The following RERE variants were observed in gnomAD, a reference collection of about 807,000 sequenced individuals.
RERE encodes the protein arginine-glutamic acid dipeptide repeats.
A neutral mutation model predicts 146.1 loss-of-function variants in RERE; 40 were observed. The ratio of observed to expected loss-of-function variants is 0.27; its 90% CI spans 0.21 to 0.36. The LOEUF (loss-of-function observed/expected upper bound fraction) is 0.36, where lower values mean the gene tolerates loss of function less well. Ranked by LOEUF, RERE falls within the 10% of genes least tolerant of loss-of-function variation. RERE has a pLI of 1.00. For synonymous variants in RERE, 1,003 were observed against 866.0 expected (o/e 1.16, Z -2.78); for missense variants, 1,933 against 2,138.7 (o/e 0.90, Z 1.90).
intron 4 of RERE, among the ~76,000 whole-genome samples, chr1:8,595,553 A>C (rs1257742356): frequency 6.6e-6 from 1 of 151,276 alleles, no homozygotes; most frequent in Non-Finnish European, 1.5e-5. Flanking sequence ...TTTTAATTGT[A>C]TTTTATTATG....
At chr1:8,711,520 T>G (rs759506542) in intron 1 of RERE, among the ~76,000 whole-genome samples, 2 of 152,188 alleles carry the variant, frequency 1.3e-5, no homozygotes, top group Non-Finnish European at 2.9e-5. Context: ...GCAGATCAAA[T>G]TATTAAATTC....
At chr1:8,759,810 G>A (rs1040648289) in intron 1 of RERE, among the ~76,000 whole-genome samples, 8 of 144,004 alleles carry the variant, frequency 5.6e-5, no homozygotes, top group African/African-American at 1.0e-4. Flanking sequence ...GCCAATATAC[G>A]TATAACTCTA....
At chr1:8,389,390 G>A (rs749865563) in intron 12 of RERE, among the ~76,000 whole-genome samples, 35 of 152,296 alleles carry the variant, frequency 2.3e-4, no homozygotes, top group Non-Finnish European at 4.3e-4. Flanking sequence ...TCAACGCCTT[G>A]TTCTTTATTC....
At chr1:8,572,623 T>C (rs1195891116) in intron 4 of RERE, among the ~76,000 whole-genome samples, 3 of 152,230 alleles carry the variant, frequency 2.0e-5, no homozygotes, top group East Asian at 3.8e-4. Context: ...GGAATATTTA[T>C]TGGGCATCTG....
chr1:8,716,591 G>A (rs1002452305), intron 1 of RERE, among the ~76,000 whole-genome samples: 1 of 151,812 alleles, frequency 6.6e-6, no homozygotes, highest in African/African-American at 2.4e-5. Context: ...TCAAGGATGG[G>A]AGGAACTACT....
chr1:8,430,436 T>TA (rs1240017438), intron 11 of RERE, among the ~76,000 whole-genome samples: 2 of 152,224 alleles, frequency 1.3e-5, no homozygotes, highest in Non-Finnish European at 2.9e-5. Flanking sequence ...TGAAACTAGT[T>TA]AGAGTTTAAA....
chr1:8,730,848 C>T (rs1008333669), intron 1 of RERE, among the ~76,000 whole-genome samples: 3 of 152,202 alleles, frequency 2.0e-5, no homozygotes, highest in African/African-American at 7.2e-5. Flanking sequence ...CAACCATTCA[C>T]ATGCCTCAGA....
intron 1 of RERE, among the ~76,000 whole-genome samples, chr1:8,763,839 G>T (rs911474583): frequency 1.3e-5 from 2 of 151,802 alleles, no homozygotes; most frequent in African/African-American, 4.8e-5. Flanking sequence ...TACTCGGGAG[G>T]CCGAGGCAGG....
In RERE at chr1:8,361,359, G is replaced by A. The variant is rs775490357; in HGVS notation, c.2148C>T (p.Pro716=). The A allele has an allele frequency of 6.2e-7, 1 of 1,613,688 alleles. No homozygotes were observed. The highest frequency in any genetic ancestry group is 8.5e-7 in the Non-Finnish European group (1 of 1,179,796). Residue 716 remains proline (P), a synonymous_variant, in exon 18 of 23, where the codon CCC becomes CCT. Coordinates refer to ENST00000400908, the MANE Select transcript of RERE (RefSeq NM_001042681.2). The part of the protein sequence containing the change: ...QDNRSTSPSI[P]SPQDNESDSD... ...AGTCACTCTCATTGTCCTGGGGGCT[G>A]GGGATGCTCGGGGACGTGCTGCGAT...
Position 8,353,675 on chromosome 1 carries a change from C to CT in RERE, c.*1411dup, listed in dbSNP as rs1486183915. On this transcript the variant is annotated 3_prime_UTR_variant, in exon 23 of 23. Transcript: ENST00000400908. ...GTTCCGCTCAGAAGGGCCTGGCCTC[C>CT]TGAGAAGCAGCCCCCACACAGCATG... is the stretch of plus-strand genomic sequence containing the variant. The CT allele has an allele frequency of 1.3e-5, 2 of 152,242 alleles. No individual in the cohort carries two copies. Among genetic ancestry groups the CT allele is most frequent in the African/African-American group, 4.8e-5 (2 of 41,444 alleles). 9.4% of individuals were successfully genotyped at this position (152,242 alleles called of 1,614,324 possible). A position where few individuals can be genotyped will look rare whatever the true frequency, so the allele number is the denominator to read the frequency against.
At position 8,801,204 on chromosome 1, in the gene RERE, C is replaced by T. The variant is rs146159222; in HGVS notation, c.-145+15956G>A. 9.1e-3 allele frequency among the ~76,000 whole-genome samples: 1,363 copies of T among 150,228 alleles called. 17 individuals carry two copies. The highest frequency in any genetic ancestry group is 0.033 in the Middle Eastern group (9 of 274). On this transcript the variant is annotated intron_variant, in intron 1 of 22. Coordinates refer to ENST00000400908, the MANE Select transcript of RERE (RefSeq NM_001042681.2). ...GAGCCCAGGAGGTTGAGGCTGCAGT[C>T]GGCCCTGATCGCGCCACTGCACTCC... is the stretch of plus-strand genomic sequence containing the variant.
Position 8,360,661 on chromosome 1 carries a change from G to A in RERE, c.2846C>T (p.Pro949Leu), listed in dbSNP as rs1247634820. The stretch of plus-strand genomic sequence containing the variant: ...GAAGGGTGAGGGCCCCGAGAGGTGG[G>A]GAGGGTGCTTGTGGGCCTGTGGCGC... Reference protein sequence around the residue: ...LPAPQAHKHPPHLSGPSPFSM... With the variant: ...LPAPQAHKHPLHLSGPSPFSM... Residue 949 changes from proline to leucine, a missense_variant, in exon 18 of 23, where the codon CCC becomes CTC. Physicochemically the swap from Pro to Leu is moderately conservative, Grantham distance 98 (BLOSUM62 -3). Around this residue, in one of 11 missense-constraint regions of RERE, gnomAD observed 1,255 missense variants for 1,153.8 expected, o/e 1.09. Transcript: ENST00000400908. The A allele has an allele frequency of 1.3e-6, 2 of 1,539,920 alleles. No individual in the cohort carries two copies. The highest frequency in any genetic ancestry group is 2.0e-5 in the Admixed American group (1 of 50,202).
intron 11 of RERE, among the ~76,000 whole-genome samples, chr1:8,461,065 TA>T (rs1644520226): frequency 6.6e-6 from 1 of 152,150 alleles, no homozygotes; most frequent in South Asian, 2.1e-4. Flanking sequence ...CATGCATAAA[TA>T]AACAGAATTA....
chr1:8,791,743 C>G (rs1156658012), intron 1 of RERE, among the ~76,000 whole-genome samples: 1 of 152,200 alleles, frequency 6.6e-6, no homozygotes, highest in Non-Finnish European at 1.5e-5. Context: ...AAACACATAG[C>G]TCCTGGACAC....
rs1409126813 is a variant in RERE at position 8,490,811 on chromosome 1, TA to T, written c.1104+4251del. On this transcript the variant is annotated intron_variant, in intron 10 of 22. Transcript: ENST00000400908. ...TCTGAGGCTGGAAGCAGAAAATGAT[TA>T]TAAGAGGCCATGAGGCAACTTTTGG... is the stretch of plus-strand genomic sequence containing the variant. Among the ~76,000 whole-genome samples, 3 of 150,564 alleles carry T rather than the reference TA, an allele frequency of 2.0e-5. No homozygotes were observed. In the East Asian group the frequency reaches 5.8e-4, roughly 29 times the overall value.
At chr1:8,711,596 G>A (rs901069956) in intron 1 of RERE, among the ~76,000 whole-genome samples, 1 of 152,160 alleles carries the variant, frequency 6.6e-6, no homozygotes, top group East Asian at 1.9e-4. Flanking sequence ...TTGGAAAAGG[G>A]TTTTACAGAT....
Position 8,359,782 on chromosome 1 carries a change from GCGCTCCCGCTCTCGCTCC to G in RERE, c.3582_3599del (p.Arg1196_Glu1201del), listed in dbSNP as rs780958536. The G allele has an allele frequency of 2.0e-5, 32 of 1,601,052 alleles. No homozygotes were observed. Among genetic ancestry groups the G allele is most frequent in the African/African-American group, 8.0e-5 (6 of 74,894 alleles). ...GACTCACAGCCGCCCGCTCTGCCTC[GCGCTCCCGCTCTCGCTCC>G]CGCTCCCGCTCCTTCTCCTTCTCCT... On this transcript the variant is annotated inframe_deletion, in exon 19 of 23. Transcript: ENST00000400908.
chr1:8,462,144 T>G (rs1644535795), intron 11 of RERE, among the ~76,000 whole-genome samples: 1 of 152,230 alleles, frequency 6.6e-6, no homozygotes, highest in South Asian at 2.1e-4. Context: ...TCATAACTAT[T>G]AACTATTAAA....
intron 6 of RERE, among the ~76,000 whole-genome samples, chr1:8,545,844 C>T (rs903507173): frequency 6.0e-5 from 9 of 150,818 alleles, no homozygotes; most frequent in Admixed American, 1.3e-4. Flanking sequence ...CCACCACACC[C>T]GGCTAACTTT....
Sources: gnomAD v4.1 joint callset for allele counts (sites outside exome capture counted in the v4.1 genomes callset) on GRCh38, gnomAD v4.1.1 for gene constraint, gnomAD v4.1.1 regional missense constraint, MANE v1.5 for transcripts, NCBI Gene and HGNC (gene_info 2026-07-23, HGNC 2026-07-21) for gene names.